The following NLK variants were observed in gnomAD, a reference collection of about 807,000 sequenced individuals.
NLK encodes serine/threonine-protein kinase NLK.
Under a neutral mutation model 59.0 loss-of-function variants are expected in NLK, and 11 were observed. The observed-to-expected ratio is 0.19, with a 90% CI of 0.12 to 0.31. NLK has a LOEUF of 0.31. Ranked by LOEUF, NLK falls within the 10% of genes least tolerant of loss-of-function variation. The pLI is 1.00. For missense variants in NLK, 410 were observed against 661.1 expected (o/e 0.62, Z 4.16); for synonymous variants, 235 against 235.9 (o/e 1.00, Z 0.03).
At chr17:28,150,852 AT>A (rs1907449912) in intron 3 of NLK, among the ~76,000 whole-genome samples, 1 of 152,190 alleles carries the variant, frequency 6.6e-6, no homozygotes, top group African/African-American at 2.4e-5. Flanking sequence ...GCACGTTTAA[AT>A]AGGAGAGATG....
intron 5 of NLK, 123 bp from the exon 6 acceptor site, chr17:28,168,300 CACTCCAGCCTGGGTGACAGAGTGAG>C: frequency 3.3e-6 from 2 of 610,920 alleles, no homozygotes; most frequent in South Asian, 3.8e-5. Flanking sequence ...TGTGCCACTG[CACTCCAGCCTGGGTGACAGAGTGAG>C]ACTCCATCTC....
In NLK at chr17:28,191,038, T is replaced by A; in HGVS notation, c.1254T>A (p.Ala418=). The part of the protein sequence containing the change: ...LVFDPSKRIS[A]KDALAHPYLD... Reference sequence around the variant, plus strand: ...GATTTCAGTCCAAAAGAATATCCGCTAAGGATGCCTTAGCCCACCCCTACC... The same window carrying A: ...GATTTCAGTCCAAAAGAATATCCGCAAAGGATGCCTTAGCCCACCCCTACC... Residue 418 remains alanine (A), a synonymous_variant, in exon 9 of 11, where the codon GCT becomes GCA. Coordinates refer to ENST00000407008, the MANE Select transcript of NLK (RefSeq NM_016231.5). 1 of 1,602,176 alleles carries A rather than the reference T, an allele frequency of 6.2e-7. No individual in the cohort carries two copies. Among genetic ancestry groups the A allele is most frequent in the Non-Finnish European group, 8.5e-7 (1 of 1,176,020 alleles).
chr17:28,146,068 CT>C (rs1567727385), intron 3 of NLK, among the ~76,000 whole-genome samples: 1 of 152,008 alleles, frequency 6.6e-6, no homozygotes, highest in East Asian at 1.9e-4. Flanking sequence ...GCTTTTTTCC[CT>C]GGGGAGAATG....
chr17:28,108,036 C>A (rs1380613981), intron 1 of NLK, among the ~76,000 whole-genome samples: 1 of 151,976 alleles, frequency 6.6e-6, no homozygotes, highest in Non-Finnish European at 1.5e-5. Context: ...GAGTTTGAGC[C>A]CAGCCTGGCC....
chr17:28,155,432 A>G (rs1907661494), intron 3 of NLK, among the ~76,000 whole-genome samples: 1 of 152,224 alleles, frequency 6.6e-6, no homozygotes, highest in African/African-American at 2.4e-5. Context: ...ATTACTGGTT[A>G]TATACCCAAA....
At chr17:28,091,632 C>G (rs1202846799) in intron 1 of NLK, among the ~76,000 whole-genome samples, 3 of 151,980 alleles carry the variant, frequency 2.0e-5, no homozygotes, top group African/African-American at 7.3e-5. Context: ...AAAGTTATTC[C>G]CAGAGATGTA....
chr17:28,115,038 A>G (rs144709254), intron 1 of NLK, among the ~76,000 whole-genome samples: 3 of 152,322 alleles, frequency 2.0e-5, no homozygotes, highest in African/African-American at 7.2e-5. Context: ...GTCTGAGGAG[A>G]GGATACTGGC....
chr17:28,162,449 A>T (rs1385720137), intron 4 of NLK, among the ~76,000 whole-genome samples: 1 of 152,124 alleles, frequency 6.6e-6, no homozygotes, highest in Non-Finnish European at 1.5e-5. Flanking sequence ...CCTGGCCAAC[A>T]TGGCAAAACT....
intron 7 of NLK, among the ~76,000 whole-genome samples, chr17:28,184,187 G>C (rs1217986035): frequency 6.6e-6 from 1 of 152,164 alleles, no homozygotes; most frequent in Non-Finnish European, 1.5e-5. Flanking sequence ...CAAAACCAAT[G>C]GTGTACTTTC....
intron 1 of NLK, among the ~76,000 whole-genome samples, chr17:28,061,403 C>T (rs1909630336): frequency 6.6e-6 from 1 of 152,044 alleles, no homozygotes; most frequent in African/African-American, 2.4e-5. Flanking sequence ...AAAAGTAGCA[C>T]CAGCTAATTT....
chr17:28,049,510 G>A (rs943699148), intron 1 of NLK, among the ~76,000 whole-genome samples: 2 of 152,110 alleles, frequency 1.3e-5, no homozygotes, highest in Non-Finnish European at 2.9e-5. Flanking sequence ...TGCTGCTGCT[G>A]TTGTCTGTAT....
At chr17:28,149,796 T>G (rs191648001) in intron 3 of NLK, among the ~76,000 whole-genome samples, 3 of 152,340 alleles carry the variant, frequency 2.0e-5, no homozygotes, top group Admixed American at 1.3e-4. Context: ...TGGGCTGTCT[T>G]GTACACCACT....
chr17:28,141,250 T>C (rs1457734587), intron 3 of NLK, among the ~76,000 whole-genome samples: 1 of 152,234 alleles, frequency 6.6e-6, no homozygotes, highest in Non-Finnish European at 1.5e-5. Context: ...CTCTTTGATA[T>C]ACTTTTCCTA....
chr17:28,069,658 T>C (rs1001925643), intron 1 of NLK, among the ~76,000 whole-genome samples: 2 of 152,196 alleles, frequency 1.3e-5, no homozygotes, highest in Non-Finnish European at 2.9e-5. Context: ...TTCATGTATT[T>C]ATTGGCTGTT....
At chr17:28,131,437 G>T (rs1906510730) in intron 2 of NLK, among the ~76,000 whole-genome samples, 1 of 151,554 alleles carries the variant, frequency 6.6e-6, no homozygotes, top group African/African-American at 2.4e-5. Flanking sequence ...AAATAAGTTT[G>T]ATATATGCTT....
intron 1 of NLK, among the ~76,000 whole-genome samples, chr17:28,065,370 G>A (rs897845027): frequency 6.6e-6 from 1 of 152,068 alleles, no homozygotes; most frequent in African/African-American, 2.4e-5. Context: ...CATGTACAAA[G>A]TCAGTGAATA....
At chr17:28,163,953 C>T (rs1006479735) in intron 5 of NLK, among the ~76,000 whole-genome samples, 1 of 152,162 alleles carries the variant, frequency 6.6e-6, no homozygotes, top group African/African-American at 2.4e-5. Flanking sequence ...GAACAGCAAG[C>T]ATCTGTTTAT....
At chr17:28,198,927 A>G (rs1259608576), downstream of NLK, among the ~76,000 whole-genome samples, 1 of 152,304 alleles carries the variant, frequency 6.6e-6, no homozygotes, top group East Asian at 1.9e-4. Context: ...GACTGGTGGT[A>G]TTTTATTTCA....
chr17:28,051,558 C>T lies in NLK; in HGVS notation c.458+8227C>T, dbSNP rs148933893. Reference sequence around the variant, plus strand: ...ATTTTTAGTAGAGACGGGGTTTCACCATGTTGGCCAGGATGGTCTCGATCT... The same window carrying T: ...ATTTTTAGTAGAGACGGGGTTTCACTATGTTGGCCAGGATGGTCTCGATCT... On this transcript the variant is annotated intron_variant, in intron 1 of 10. Coordinates refer to ENST00000407008, the MANE Select transcript of NLK (RefSeq NM_016231.5). Among the ~76,000 whole-genome samples, 114 of 151,928 alleles carry T rather than the reference C, an allele frequency of 7.5e-4. No individual in the cohort carries two copies. The East Asian group carries it at 0.013, about 17-fold the overall frequency.
Sources: gnomAD v4.1 joint callset for allele counts (sites outside exome capture counted in the v4.1 genomes callset) on GRCh38, gnomAD v4.1.1 for gene constraint, MANE v1.5 for transcripts, NCBI Gene and HGNC (gene_info 2026-07-23, HGNC 2026-07-21) for gene names.